Variants in GPD1L observed in about 807,000 individuals in gnomAD.
The protein encoded by GPD1L is glycerol-3-phosphate dehydrogenase 1-like protein.
GPD1L carries 17 observed loss-of-function variants against 32.9 expected under a neutral mutation model. The observed-to-expected ratio is 0.52, with a 90% CI of 0.35 to 0.78. The LOEUF (loss-of-function observed/expected upper bound fraction) is 0.78. Among genes scored for constraint, GPD1L ranks in the 30% least tolerant of loss-of-function variants. GPD1L has a pLI of 0.01. For missense variants in GPD1L, 361 were observed against 447.8 expected (o/e 0.81, Z 1.75); for synonymous variants, 187 against 165.9 (o/e 1.13, Z -0.98).
In GPD1L at chr3:32,168,361, G is replaced by A. The variant is rs1701178279; in HGVS notation, c.*2451G>A. 1 of 152,668 alleles carries A rather than the reference G, an allele frequency of 6.6e-6. No homozygotes were observed. The highest frequency in any genetic ancestry group is 2.4e-5 in the African/African-American group (1 of 41,452). 9.5% of individuals were successfully genotyped at this position (152,668 alleles called of 1,614,324 possible). A position where few individuals can be genotyped will look rare whatever the true frequency, so the allele number is the denominator to read the frequency against. On this transcript the variant is annotated 3_prime_UTR_variant, in exon 8 of 8. Transcript: ENST00000282541. ...AGGGAGGGAGACACCTAGATTAGCA[G>A]CTCAATTTGTACTACTTCAGCCAAT...
chr3:32,119,186 T>G (rs1171550699), intron 1 of GPD1L, among the ~76,000 whole-genome samples: 1 of 152,246 alleles, frequency 6.6e-6, no homozygotes, highest in Non-Finnish European at 1.5e-5. Context: ...TTTGAGGGAC[T>G]GCCATTTGGT....
intron 1 of GPD1L, among the ~76,000 whole-genome samples, chr3:32,113,097 A>T (rs1023425398): frequency 3.9e-5 from 6 of 152,214 alleles, no homozygotes; most frequent in African/African-American, 1.4e-4. Context: ...CTTCTGAGAA[A>T]TAAAATGGAA....
chr3:32,158,423 G>A, intron 5 of GPD1L: 1 of 216,560 alleles, frequency 4.6e-6, no homozygotes, highest in East Asian at 1.2e-4. Flanking sequence ...CACTGGCTGT[G>A]CTTTTCTCCT....
intron 5 of GPD1L, 163 bp from the exon 6 acceptor site, chr3:32,158,711 ATC>A: frequency 6.8e-7 from 1 of 1,463,326 alleles, no homozygotes; most frequent in Non-Finnish European, 9.1e-7. Context: ...TCCTTTCGTC[ATC>A]TCTTTCACCC....
rs181112090 is a variant in GPD1L at position 32,125,346 on chromosome 3, T to C, written c.48-2730T>C. Among the ~76,000 whole-genome samples, 12 of 152,342 alleles carry C rather than the reference T, an allele frequency of 7.9e-5. No homozygotes were observed. In the East Asian group the frequency reaches 2.1e-3, roughly 27 times the overall value. On this transcript the variant is annotated intron_variant, in intron 1 of 7. Coordinates refer to ENST00000282541, the MANE Select transcript of GPD1L (RefSeq NM_015141.4). ...TAAAATAACAAGCATTTATGATTGC[T>C]TATGAGTTATGGATCAGCTGGTCAG...
At chr3:32,120,152 T>C (rs1700389197) in intron 1 of GPD1L, among the ~76,000 whole-genome samples, 1 of 152,150 alleles carries the variant, frequency 6.6e-6, no homozygotes, top group Non-Finnish European at 1.5e-5. Flanking sequence ...ACCCTGTCTC[T>C]ACTAAAAATA....
intron 1 of GPD1L, among the ~76,000 whole-genome samples, chr3:32,114,993 C>A (rs1473022866): frequency 1.3e-5 from 2 of 152,208 alleles, no homozygotes; most frequent in African/African-American, 4.8e-5. Flanking sequence ...GAGTGAGCAG[C>A]AGCAAGATTT....
chr3:32,109,066 G>C (rs1342338342), intron 1 of GPD1L, among the ~76,000 whole-genome samples: 1 of 152,070 alleles, frequency 6.6e-6, no homozygotes, highest in African/African-American at 2.4e-5. Flanking sequence ...AGCCAGGATG[G>C]TCTCAATCTC....
At chr3:32,146,566 T>A in intron 4 of GPD1L, 56 bp from the exon 5 acceptor site, 2 of 954,496 alleles carry the variant, frequency 2.1e-6, no homozygotes, top group South Asian at 2.6e-5. Flanking sequence ...GTATTAGGTG[T>A]GAAAATTAAG....
intron 3 of GPD1L, among the ~76,000 whole-genome samples, chr3:32,139,781 A>G (rs1261849655): frequency 6.6e-6 from 1 of 152,244 alleles, no homozygotes; most frequent in Non-Finnish European, 1.5e-5. Context: ...TGAATCTCTA[A>G]AACGGTATTG....
intron 5 of GPD1L, among the ~76,000 whole-genome samples, chr3:32,152,856 AAAGACAGAC>A (rs1286399318): frequency 1.6e-4 from 20 of 123,138 alleles, no homozygotes; most frequent in African/African-American, 6.8e-4. Flanking sequence ...AAAAAAAAAA[AAAGACAGAC>A]AAAGAGCACG....
chr3:32,140,589 G>T (rs560954994), intron 4 of GPD1L, among the ~76,000 whole-genome samples: 2 of 152,308 alleles, frequency 1.3e-5, no homozygotes, highest in African/African-American at 4.8e-5. Context: ...TAGCCAAGAA[G>T]AGCATTCTGA....
intron 2 of GPD1L, 98 bp from the exon 3 acceptor site, chr3:32,138,489 A>G (rs747068747): frequency 1.3e-5 from 14 of 1,088,306 alleles, no homozygotes; most frequent in Non-Finnish European, 1.7e-5. Flanking sequence ...TGCTCTGCAC[A>G]TAGTAGGCAT....
intron 4 of GPD1L, among the ~76,000 whole-genome samples, chr3:32,141,175 G>A (rs1321313732): frequency 2.6e-5 from 4 of 152,200 alleles, no homozygotes; most frequent in Non-Finnish European, 5.9e-5. Flanking sequence ...TCTGAGAGAT[G>A]TCAGGCTCTC....
intron 5 of GPD1L, among the ~76,000 whole-genome samples, chr3:32,149,553 C>T (rs920223041): frequency 6.6e-6 from 1 of 152,100 alleles, no homozygotes; most frequent in African/African-American, 2.4e-5. Context: ...CATTTTGTAC[C>T]AGTGCCTCTT....
chr3:32,140,655 TTGTACCAAGAAACAGGTGGCTACATCCA>T lies in GPD1L; in HGVS notation c.505+292_505+319del, dbSNP rs143613693. Among the ~76,000 whole-genome samples, 896 of 152,326 alleles carry T rather than the reference TTGTACCAAGAAACAGGTGGCTACATCCA, an allele frequency of 5.9e-3. 11 individuals carry two copies. Among genetic ancestry groups the T allele is most frequent in the African/African-American group, 0.02 (824 of 41,564 alleles). On this transcript the variant is annotated intron_variant, in intron 4 of 7. Coordinates refer to ENST00000282541, the MANE Select transcript of GPD1L (RefSeq NM_015141.4). ...GTTAAACACAAAAGTGCAAGGTTGC[TTGTACCAAGAAACAGGTGGCTACATCCA>T]TGGTAGGGGTCCCCTGGCCTCAGAA...
At chr3:32,152,273 C>A (rs2125494072) in intron 5 of GPD1L, among the ~76,000 whole-genome samples, 1 of 152,244 alleles carries the variant, frequency 6.6e-6, no homozygotes, top group Middle Eastern at 3.4e-3. Context: ...TATGTAAAAT[C>A]CAGAATGTAT....
intron 2 of GPD1L, among the ~76,000 whole-genome samples, chr3:32,133,060 C>G (rs1039221937): frequency 2.0e-5 from 3 of 152,184 alleles, no homozygotes; most frequent in African/African-American, 7.2e-5. Context: ...ATGTGTTTTA[C>G]TCCTGGTATT....
chr3:32,139,049 G>A (rs1700704137), intron 3 of GPD1L, among the ~76,000 whole-genome samples: 1 of 152,046 alleles, frequency 6.6e-6, no homozygotes. Flanking sequence ...ATAACCATTA[G>A]TGCCCATTCT....
Sources: gnomAD v4.1 joint callset for allele counts (sites outside exome capture counted in the v4.1 genomes callset) on GRCh38, gnomAD v4.1.1 for gene constraint, MANE v1.5 for transcripts, NCBI Gene and HGNC (gene_info 2026-07-23, HGNC 2026-07-21) for gene names.